The following CAMKMT variants were observed in gnomAD, a reference collection of about 807,000 sequenced individuals.
CAMKMT encodes calmodulin-lysine N-methyltransferase.
Under a neutral mutation model 48.0 loss-of-function variants are expected in CAMKMT, and 53 were observed. The ratio of observed to expected loss-of-function variants is 1.10; its 90% CI spans 0.89 to 1.39. The LOEUF is 1.39. CAMKMT is among the 40% of genes most tolerant of loss of function. The probability of loss-of-function intolerance (pLI) is 0.00; values close to 1 mark genes in which losing one functional copy is unlikely to be tolerated. For synonymous variants in CAMKMT, 165 were observed against 152.3 expected (o/e 1.08, Z -0.61); for missense variants, 428 against 402.7 (o/e 1.06, Z -0.54).
chr2:44,653,600 T>C lies in CAMKMT; in HGVS notation c.377-50683T>C, dbSNP rs2104048498. Reference sequence around the variant, plus strand: ...CAAGGATTATAAAGGAATGGAGTTATGCAGAAGGTATGCAGAGAAGGAGTG... The same window carrying C: ...CAAGGATTATAAAGGAATGGAGTTACGCAGAAGGTATGCAGAGAAGGAGTG... On this transcript the variant is annotated intron_variant, in intron 3 of 10. Transcript: ENST00000378494. The surrounding 1 kb of genome is among the most constrained non-coding windows in gnomAD (Gnocchi z 5.2). Among the ~76,000 whole-genome samples, 1 of 152,310 alleles carries C rather than the reference T, an allele frequency of 6.6e-6. No individual in the cohort carries two copies. Among genetic ancestry groups the C allele is most frequent in the South Asian group, 2.1e-4 (1 of 4,824 alleles).
At chr2:44,768,679 C>T (rs1453584555) in intron 10 of CAMKMT, among the ~76,000 whole-genome samples, 1 of 152,172 alleles carries the variant, frequency 6.6e-6, no homozygotes, top group East Asian at 1.9e-4. Flanking sequence ...CCGCCCGGGG[C>T]TCCGGGACGC....
Position 44,502,683 on chromosome 2 carries a change from T to G in CAMKMT, c.376+112378T>G, listed in dbSNP as rs192861156. On this transcript the variant is annotated intron_variant, in intron 3 of 10. Coordinates refer to ENST00000378494, the MANE Select transcript of CAMKMT (RefSeq NM_024766.5). ...AAGGTGGTTCATAAAGGTATTTATT[T>G]TAAAGGAAAAAGAACACTGAGAGCC... Among the ~76,000 whole-genome samples the G allele has an allele frequency of 2.2e-4, 34 of 152,264 alleles. No homozygotes were observed. In the East Asian group the frequency reaches 6.2e-3, roughly 28 times the overall value.
intron 9 of CAMKMT, among the ~76,000 whole-genome samples, chr2:44,765,539 A>G (rs1359643686): frequency 3.3e-5 from 5 of 152,000 alleles, no homozygotes; most frequent in African/African-American, 7.3e-5. Context: ...TTTAAAAAAA[A>G]AAAAGGAGAT....
At chr2:44,459,554 A>G (rs1246128046) in intron 3 of CAMKMT, among the ~76,000 whole-genome samples, 4 of 152,224 alleles carry the variant, frequency 2.6e-5, no homozygotes, top group African/African-American at 9.6e-5. Flanking sequence ...ATTTATTTTT[A>G]TAAATAGCTT....
chr2:44,395,339 T>A (rs1386008327), intron 3 of CAMKMT, among the ~76,000 whole-genome samples: 1 of 152,218 alleles, frequency 6.6e-6, no homozygotes, highest in Non-Finnish European at 1.5e-5. Context: ...TATACATATA[T>A]GTAGTATATG....
At chr2:44,363,918 T>C in intron 1 of CAMKMT, among the ~76,000 whole-genome samples, 1 of 151,556 alleles carries the variant, frequency 6.6e-6, no homozygotes. Flanking sequence ...CTCAAACTCC[T>C]GACCTCAGGT....
At chr2:44,728,295 T>A (rs980098974) in intron 7 of CAMKMT, among the ~76,000 whole-genome samples, 8 of 152,182 alleles carry the variant, frequency 5.3e-5, no homozygotes, top group Admixed American at 3.9e-4. Context: ...TATTAATTTT[T>A]TGATCTGCTG....
At chr2:44,457,889 GCCATTCC>G (rs931013830) in intron 3 of CAMKMT, among the ~76,000 whole-genome samples, 27 of 152,068 alleles carry the variant, frequency 1.8e-4, no homozygotes, top group Non-Finnish European at 1.6e-4. Flanking sequence ...TGATGGATAA[GCCATTCC>G]CCTGCAAATG....
At chr2:44,412,078 C>T (rs761577150) in intron 3 of CAMKMT, among the ~76,000 whole-genome samples, 2 of 140,600 alleles carry the variant, frequency 1.4e-5, no homozygotes, top group Non-Finnish European at 3.0e-5. Context: ...AGGATAAAGA[C>T]ATTATCAGAG....
intron 3 of CAMKMT, among the ~76,000 whole-genome samples, chr2:44,478,574 A>T (rs1260547716): frequency 1.3e-5 from 2 of 152,228 alleles, no homozygotes; most frequent in Non-Finnish European, 2.9e-5. Flanking sequence ...AATGCTTTCA[A>T]ATCTTTAACA....
chr2:44,677,194 G>A (rs1245578533), intron 3 of CAMKMT, among the ~76,000 whole-genome samples: 3 of 152,174 alleles, frequency 2.0e-5, no homozygotes, highest in East Asian at 1.9e-4. Context: ...CAGTGGAATA[G>A]CATTTTCATG....
Position 44,491,605 on chromosome 2 carries a change from A to G in CAMKMT, c.376+101300A>G, listed in dbSNP as rs75597206. ...GCTATTCATAGGATAGTTGTATAAT[A>G]TAGAAATATGTAACTTACACTGCAC... On this transcript the variant is annotated intron_variant, in intron 3 of 10. Transcript: ENST00000378494. 9.6e-3 allele frequency among the ~76,000 whole-genome samples: 1,466 copies of G among 152,348 alleles called. 14 individuals carry two copies. The highest frequency in any genetic ancestry group is 0.014 in the Non-Finnish European group (981 of 68,026).
At chr2:44,399,408 A>G (rs1682151249) in intron 3 of CAMKMT, among the ~76,000 whole-genome samples, 1 of 152,128 alleles carries the variant, frequency 6.6e-6, no homozygotes. Context: ...GAAAACCACA[A>G]GTTCTCCTCT....
At chr2:44,691,071 G>C (rs1676627569) in intron 3 of CAMKMT, among the ~76,000 whole-genome samples, 1 of 152,200 alleles carries the variant, frequency 6.6e-6, no homozygotes, top group Admixed American at 6.5e-5. Flanking sequence ...ATAGTATGGA[G>C]TAGGTAGTAT....
chr2:44,759,138 G>T (rs1182929860), intron 9 of CAMKMT, among the ~76,000 whole-genome samples: 1 of 152,092 alleles, frequency 6.6e-6, no homozygotes, highest in Admixed American at 6.5e-5. Context: ...AATTTTTTGG[G>T]GGGGAGGACA....
intron 3 of CAMKMT, among the ~76,000 whole-genome samples, chr2:44,510,704 C>A (rs1021744403): frequency 6.6e-6 from 1 of 152,142 alleles, no homozygotes; most frequent in African/African-American, 2.4e-5. Context: ...TTTTTGGTCA[C>A]ATGGATAAGT....
intron 3 of CAMKMT, among the ~76,000 whole-genome samples, chr2:44,540,153 T>A (rs1667017691): frequency 5.5e-5 from 4 of 73,284 alleles, no homozygotes; most frequent in South Asian, 5.2e-4. Flanking sequence ...CTTATATATG[T>A]ATATACATAT....
intron 3 of CAMKMT, among the ~76,000 whole-genome samples, chr2:44,482,741 G>T (rs1669034418): frequency 6.6e-6 from 1 of 152,026 alleles, no homozygotes; most frequent in South Asian, 2.1e-4. Flanking sequence ...ATCCATGTTG[G>T]ATATTATTAA....
rs1184007304 is a variant in CAMKMT at position 44,722,774 on chromosome 2, T to C, written c.623+7421T>C. On this transcript the variant is annotated intron_variant, in intron 7 of 10. Coordinates refer to ENST00000378494, the MANE Select transcript of CAMKMT (RefSeq NM_024766.5). ...CTTTCTAGTCCATTCATTCTAATAT[T>C]TTGTTGTCACTTTGTTTTGCTACTA... Among the ~76,000 whole-genome samples the C allele has an allele frequency of 2.0e-5, 3 of 152,310 alleles. No homozygotes were observed. The South Asian group carries it at 6.2e-4, about 32-fold the overall frequency.
Sources: gnomAD v4.1 joint callset for allele counts (sites outside exome capture counted in the v4.1 genomes callset) on GRCh38, gnomAD v4.1.1 for gene constraint, Gnocchi (gnomAD v3.1) non-coding constraint, MANE v1.5 for transcripts, NCBI Gene and HGNC (gene_info 2026-07-23, HGNC 2026-07-21) for gene names.